ZNF609: variants seen among roughly 807,000 people sequenced by gnomAD.
ZNF609 encodes zinc finger protein 609.
A neutral mutation model predicts 109.5 loss-of-function variants in ZNF609; 11 were observed. The observed-to-expected ratio is 0.10, with a 90% CI of 0.06 to 0.17. The LOEUF (loss-of-function observed/expected upper bound fraction) is 0.17, where lower values mean the gene tolerates loss of function less well. Among genes scored for constraint, ZNF609 ranks in the 10% least tolerant of loss-of-function variants. The probability of loss-of-function intolerance (pLI) is 1.00; values close to 1 mark genes in which losing one functional copy is unlikely to be tolerated. For synonymous variants in ZNF609, 646 were observed against 662.0 expected, an observed-to-expected ratio of 0.98 and a Z score of 0.37; for missense variants, 1,559 against 1,772.4, an observed-to-expected ratio of 0.88 and a Z score of 2.16.
chr15:64,529,683 G>A (rs953908459), intron 2 of ZNF609: 4 of 720,540 alleles, frequency 5.6e-6, no homozygotes, highest in Non-Finnish European at 1.0e-5. Context: ...GTGTCTCAGG[G>A]ATGCAGCTGC....
chr15:64,486,022 C>G (rs1356775673), intron 1 of ZNF609, among the ~76,000 whole-genome samples: 1 of 152,132 alleles, frequency 6.6e-6, no homozygotes, highest in African/African-American at 2.4e-5. Flanking sequence ...CCACCACAGT[C>G]AAGATACAGA....
At chr15:64,476,133 A>T (rs1463850823) in intron 1 of ZNF609, among the ~76,000 whole-genome samples, 1 of 152,136 alleles carries the variant, frequency 6.6e-6, no homozygotes, top group Non-Finnish European at 1.5e-5. Flanking sequence ...AGTCACAGGA[A>T]CCAAATTGGT....
chr15:64,585,717 CTCA>C (rs1011430000), intron 2 of ZNF609, among the ~76,000 whole-genome samples: 2 of 152,208 alleles, frequency 1.3e-5, no homozygotes, highest in Admixed American at 1.3e-4. Context: ...GCCATCCAAA[CTCA>C]GATTCAAGCA....
At chr15:64,627,716 G>A (rs1211452783) in intron 3 of ZNF609, among the ~76,000 whole-genome samples, 8 of 121,618 alleles carry the variant, frequency 6.6e-5, no homozygotes, top group Non-Finnish European at 1.3e-4. Flanking sequence ...CACCCAGCCT[G>A]GAGTATAGCA....
rs764781414 is a variant in ZNF609 at position 64,675,274 on chromosome 15, T to C, written c.2420T>C (p.Ile807Thr). 1.1e-5 allele frequency: 17 copies of C among 1,613,912 alleles called. No homozygotes were observed. The highest frequency in any genetic ancestry group is 2.2e-5 in the East Asian group (1 of 44,876). ...ACGGACAATGCCCCCAGCCCTTCCA[T>C]TGGAGGCAGTAGCCGCCTTGAAAAC... ...SFTDNAPSPS[I>T]GGSSRLENTT... Residue 807 changes from isoleucine (I) to threonine (T), a missense_variant, in exon 5 of 10, where the codon ATT (isoleucine) becomes ACT (threonine). By Grantham distance (89) the Ile-to-Thr change is moderately conservative (BLOSUM62 -1). Transcript: ENST00000326648.
chr15:64,482,885 G>C (rs1893275484), intron 1 of ZNF609, among the ~76,000 whole-genome samples: 1 of 152,144 alleles, frequency 6.6e-6, no homozygotes, highest in African/African-American at 2.4e-5. Context: ...CTGATTTTCT[G>C]ACGGTAAATA....
chr15:64,524,838 G>T (rs1488609424), intron 2 of ZNF609, among the ~76,000 whole-genome samples: 1 of 152,136 alleles, frequency 6.6e-6, no homozygotes, highest in Non-Finnish European at 1.5e-5. Context: ...CCTAGGGATA[G>T]AATTGCTGGA....
At chr15:64,485,064 G>A (rs1566995407) in intron 1 of ZNF609, among the ~76,000 whole-genome samples, 1 of 152,146 alleles carries the variant, frequency 6.6e-6, no homozygotes, top group Admixed American at 6.6e-5. Flanking sequence ...GCATCATTAG[G>A]AAGAGAATCA....
Position 64,672,253 on chromosome 15 carries a change from C to T in ZNF609, c.1062-1663C>T, listed in dbSNP as rs555722376. ...GGTCTCGATCTCCTGACCTCGTGAT[C>T]CTCCCGCCTCGGCCTCCCAAAGAGC... On this transcript the variant is annotated intron_variant, in intron 4 of 9. Transcript: ENST00000326648. 4.3e-4 allele frequency among the ~76,000 whole-genome samples: 65 copies of T among 149,678 alleles called. 1 individual carries two copies. In the East Asian group the frequency reaches 0.013, roughly 30 times the overall value.
chr15:64,522,384 T>C (rs751557413), intron 2 of ZNF609, among the ~76,000 whole-genome samples: 3 of 152,240 alleles, frequency 2.0e-5, no homozygotes, highest in Non-Finnish European at 4.4e-5. Context: ...GCATGATCTA[T>C]ACCTCATGAA....
At chr15:64,661,330 A>G (rs574835970) in intron 3 of ZNF609, among the ~76,000 whole-genome samples, 96 of 152,326 alleles carry the variant, frequency 6.3e-4, no homozygotes, top group African/African-American at 2.2e-3. Context: ...ATCTGAATGT[A>G]AGAGCAGAGA....
chr15:64,491,762 T>C (rs1456632906), intron 1 of ZNF609, among the ~76,000 whole-genome samples: 1 of 152,014 alleles, frequency 6.6e-6, no homozygotes, highest in Non-Finnish European at 1.5e-5. Flanking sequence ...GAAGAATCGC[T>C]TGAACCCAGG....
Position 64,667,703 on chromosome 15 carries a change from ACT to A in ZNF609, c.974-2640_974-2639del, listed in dbSNP as rs1896669481. 2.0e-5 allele frequency among the ~76,000 whole-genome samples: 3 copies of A among 150,608 alleles called. No individual in the cohort carries two copies. In the South Asian group the frequency reaches 6.3e-4, roughly 32 times the overall value. ...CTTCAGCCTGGGCAACAAGAGTGAAACTCTGTCTCAAAAAAAAAAGAAAAAGA... is the reference window on the plus strand; with the variant it reads ...CTTCAGCCTGGGCAACAAGAGTGAAACTGTCTCAAAAAAAAAAGAAAAAGA... On this transcript the variant is annotated intron_variant, in intron 3 of 9. Transcript: ENST00000326648.
chr15:64,529,982 G>A (rs1894034806), intron 2 of ZNF609, among the ~76,000 whole-genome samples: 1 of 151,158 alleles, frequency 6.6e-6, no homozygotes, highest in Non-Finnish European at 1.5e-5. Context: ...CACCCACCTC[G>A]GCCTCCCAAA....
At chr15:64,649,311 G>A (rs1003340623) in intron 3 of ZNF609, among the ~76,000 whole-genome samples, 1 of 151,748 alleles carries the variant, frequency 6.6e-6, no homozygotes, top group Non-Finnish European at 1.5e-5. Flanking sequence ...GCTTACTAAC[G>A]CTCCTTTTCC....
At chr15:64,524,189 G>A (rs1333131865) in intron 2 of ZNF609, among the ~76,000 whole-genome samples, 1 of 151,976 alleles carries the variant, frequency 6.6e-6, no homozygotes, top group Non-Finnish European at 1.5e-5. Flanking sequence ...CCCATCAGCA[G>A]TCACCCTAAT....
At chr15:64,617,641 A>G (rs577804253) in intron 2 of ZNF609, among the ~76,000 whole-genome samples, 1 of 151,132 alleles carries the variant, frequency 6.6e-6, no homozygotes, top group Non-Finnish European at 1.5e-5. Context: ...TTAGCCAGGC[A>G]TGGTGGTGGG....
At chr15:64,548,331 G>C (rs1218746799) in intron 2 of ZNF609, among the ~76,000 whole-genome samples, 1 of 152,128 alleles carries the variant, frequency 6.6e-6, no homozygotes, top group Non-Finnish European at 1.5e-5. Context: ...TGCCACTTTT[G>C]AATAATTTTA....
At chr15:64,500,217 C>G in intron 2 of ZNF609, 51 bp downstream of exon 2, 1 of 1,589,470 alleles carries the variant, frequency 6.3e-7, no homozygotes, top group East Asian at 2.3e-5. Flanking sequence ...CAGAACTGCC[C>G]TGGACTAACT....
Sources: allele counts gnomAD v4.1 joint callset (sites outside exome capture counted in the v4.1 genomes callset), GRCh38; gene constraint gnomAD v4.1.1; transcripts MANE v1.5; gene names NCBI Gene and HGNC (gene_info 2026-07-23, HGNC 2026-07-21).